The following RTN1 variants were observed in gnomAD, a reference collection of about 807,000 sequenced individuals.
The protein encoded by RTN1 is reticulon 1.
RTN1 carries 25 observed loss-of-function variants against 65.5 expected under a neutral mutation model. The ratio of observed to expected loss-of-function variants is 0.38; its 90% CI spans 0.28 to 0.53. The LOEUF (loss-of-function observed/expected upper bound fraction) is 0.53. RTN1 is among the 20% of genes least tolerant of loss of function. The pLI is 0.79. For synonymous variants in RTN1, 471 were observed against 447.6 expected (o/e 1.05, Z -0.66); for missense variants, 983 against 1,025.4 (o/e 0.96, Z 0.57).
intron 1 of RTN1, among the ~76,000 whole-genome samples, chr14:59,773,615 A>G (rs1885998553): frequency 1.3e-5 from 2 of 152,142 alleles, no homozygotes; most frequent in Admixed American, 6.6e-5. Flanking sequence ...CCATCAAGTT[A>G]AGAATCTCCT....
At chr14:59,867,220 T>C (rs566572525) in intron 1 of RTN1, among the ~76,000 whole-genome samples, 1 of 152,360 alleles carries the variant, frequency 6.6e-6, no homozygotes, top group Non-Finnish European at 1.5e-5. Flanking sequence ...TTTTTTCCTT[T>C]TGTTATTGTA....
At chr14:59,828,673 C>T (rs1000403016) in intron 1 of RTN1, among the ~76,000 whole-genome samples, 2 of 152,168 alleles carry the variant, frequency 1.3e-5, no homozygotes, top group Admixed American at 1.3e-4. Flanking sequence ...ACAAAAGTGT[C>T]CCCATCATAA....
chr14:59,607,546 G>A (rs8009556), intron 3 of RTN1, 54 bp from the exon 4 acceptor site: 217,008 of 1,463,818 alleles, frequency 0.15, 19,298 homozygotes, highest in African/African-American at 0.39. Flanking sequence ...CGCCACATGA[G>A]CCGCTGTGGC....
At chr14:59,778,564 G>T (rs1594739304) in intron 1 of RTN1, among the ~76,000 whole-genome samples, 1 of 152,284 alleles carries the variant, frequency 6.6e-6, no homozygotes, top group Non-Finnish European at 1.5e-5. Flanking sequence ...ACAAGTCATA[G>T]TTCTTTCAGG....
At chr14:59,866,922 C>A (rs1466397367) in intron 1 of RTN1, among the ~76,000 whole-genome samples, 2 of 152,174 alleles carry the variant, frequency 1.3e-5, no homozygotes, top group African/African-American at 4.8e-5. Flanking sequence ...TCACATTTAG[C>A]ATTTGAAAAA....
At chr14:59,717,450 C>T (rs1884560588) in intron 3 of RTN1, among the ~76,000 whole-genome samples, 2 of 152,152 alleles carry the variant, frequency 1.3e-5, no homozygotes, top group Admixed American at 6.5e-5. Context: ...AACTCAACCC[C>T]ACTCCTCTCC....
At chr14:59,779,651 C>T (rs774328365) in intron 1 of RTN1, among the ~76,000 whole-genome samples, 25 of 151,964 alleles carry the variant, frequency 1.6e-4, no homozygotes, top group African/African-American at 6.0e-4. Context: ...ACATTATATC[C>T]CTTTTCTGGG....
intron 1 of RTN1, among the ~76,000 whole-genome samples, chr14:59,759,228 A>G (rs1885700586): frequency 6.6e-6 from 1 of 152,230 alleles, no homozygotes; most frequent in South Asian, 2.1e-4. Context: ...AGAAGTGTCC[A>G]TCTTCCAACC....
chr14:59,601,826 T>C (rs1444407044), intron 8 of RTN1, among the ~76,000 whole-genome samples: 4 of 152,214 alleles, frequency 2.6e-5, no homozygotes, highest in African/African-American at 9.6e-5. Flanking sequence ...CATTTGTATT[T>C]TTAAACAGGC....
At chr14:59,781,191 G>A (rs1886148163) in intron 1 of RTN1, among the ~76,000 whole-genome samples, 1 of 151,930 alleles carries the variant, frequency 6.6e-6, no homozygotes, top group South Asian at 2.1e-4. Flanking sequence ...CCTGATGCCA[G>A]AGCCCATGCT....
At chr14:59,762,471 G>A (rs923551139) in intron 1 of RTN1, among the ~76,000 whole-genome samples, 3 of 152,158 alleles carry the variant, frequency 2.0e-5, no homozygotes, top group African/African-American at 7.2e-5. Flanking sequence ...GAGAGGTTAA[G>A]GAACTTGTTA....
chr14:59,657,790 A>G (rs1216584276), intron 3 of RTN1, among the ~76,000 whole-genome samples: 13 of 152,188 alleles, frequency 8.5e-5, no homozygotes, highest in Admixed American at 7.9e-4. Flanking sequence ...CACCAGGGCC[A>G]TGGGTTTCAA....
chr14:59,618,804 T>C (rs1000492676), intron 3 of RTN1, among the ~76,000 whole-genome samples: 1 of 152,240 alleles, frequency 6.6e-6, no homozygotes, highest in Admixed American at 6.5e-5. Flanking sequence ...TAGAACTAGA[T>C]ATTTAAAGAG....
rs1881631606 is a variant in RTN1, at chr14:59,603,132, A to G, written c.2230-9T>C. On this transcript the variant is annotated splice_polypyrimidine_tract_variant and intron_variant, in intron 7 of 8. Transcript: ENST00000267484. ...TATTGGTCAATCTGTGCCTACATAA[A>G]GAAAAAAAAAATAATGAGCATATCC... is the stretch of plus-strand genomic sequence containing the variant. The G allele has an allele frequency of 1.9e-6, 3 of 1,610,420 alleles. No individual in the cohort carries two copies. The highest frequency in any genetic ancestry group is 2.2e-5 in the South Asian group (2 of 90,264).
At chr14:59,685,713 T>C (rs557243484) in intron 3 of RTN1, among the ~76,000 whole-genome samples, 91 of 152,252 alleles carry the variant, frequency 6.0e-4, no homozygotes, top group Middle Eastern at 3.4e-3. Context: ...ATTAGAAGAA[T>C]TAATATTGTT....
chr14:59,702,982 C>T (rs919691856), intron 3 of RTN1, among the ~76,000 whole-genome samples: 1 of 152,084 alleles, frequency 6.6e-6, no homozygotes, highest in African/African-American at 2.4e-5. Flanking sequence ...TTTCTTCCTC[C>T]TAGGCTGCTC....
intron 1 of RTN1, among the ~76,000 whole-genome samples, chr14:59,821,018 C>T (rs1886934761): frequency 6.6e-6 from 1 of 152,070 alleles, no homozygotes; most frequent in South Asian, 2.1e-4. Context: ...AAGTGAATTT[C>T]AGAACAGTTT....
chr14:59,704,938 A>G (rs906698734), intron 3 of RTN1, among the ~76,000 whole-genome samples: 2 of 152,174 alleles, frequency 1.3e-5, no homozygotes, highest in African/African-American at 2.4e-5. Flanking sequence ...ACACTAAGCA[A>G]AAAGCAGCTT....
At chr14:59,843,120 T>C (rs1887344573) in intron 1 of RTN1, among the ~76,000 whole-genome samples, 1 of 152,248 alleles carries the variant, frequency 6.6e-6, no homozygotes, top group Non-Finnish European at 1.5e-5. Context: ...TTATGATATA[T>C]TTCTATTGTA....
Sources: gnomAD v4.1 joint callset for allele counts (sites outside exome capture counted in the v4.1 genomes callset) on GRCh38, gnomAD v4.1.1 for gene constraint, MANE v1.5 for transcripts, NCBI Gene and HGNC (gene_info 2026-07-23, HGNC 2026-07-21) for gene names.